LDB2: variants seen among roughly 807,000 people sequenced by gnomAD.
LDB2 encodes LIM domain-binding protein 2.
A neutral mutation model predicts 44.3 loss-of-function variants in LDB2; 12 were observed. That is an observed-to-expected ratio of 0.27 (90% confidence interval 0.17 to 0.44). The LOEUF is 0.44. LDB2 is among the 20% of genes least tolerant of loss of function. LDB2 has a pLI of 1.00. For missense variants in LDB2, 344 were observed against 473.5 expected, an observed-to-expected ratio of 0.73 and a Z score of 2.54; for synonymous variants, 164 against 174.8, an observed-to-expected ratio of 0.94 and a Z score of 0.49.
intron 5 of LDB2, among the ~76,000 whole-genome samples, chr4:16,581,984 GA>G (rs1210679642): frequency 5.6e-5 from 5 of 89,554 alleles, no homozygotes; most frequent in Non-Finnish European, 1.2e-4. Context: ...GGAAGGAAGG[GA>G]AGGAAGGGAA....
chr4:16,513,200 T>A (rs2152242411), intron 5 of LDB2, among the ~76,000 whole-genome samples: 1 of 152,276 alleles, frequency 6.6e-6, no homozygotes, highest in South Asian at 2.1e-4. Flanking sequence ...TGAGCCTTGA[T>A]ATCTCTGAAG....
intron 5 of LDB2, among the ~76,000 whole-genome samples, chr4:16,519,118 T>C (rs1348093382): frequency 1.3e-5 from 2 of 152,222 alleles, no homozygotes; most frequent in Non-Finnish European, 2.9e-5. Context: ...GCAAGCTATA[T>C]TTTACTTTTC....
At chr4:16,726,018 T>G (rs190394455) in intron 2 of LDB2, among the ~76,000 whole-genome samples, 1 of 150,526 alleles carries the variant, frequency 6.6e-6, no homozygotes, top group Non-Finnish European at 1.5e-5. Flanking sequence ...TTTATGTGCA[T>G]GTAACCACTG....
chr4:16,697,578 C>T (rs1018090749), intron 2 of LDB2, among the ~76,000 whole-genome samples: 4 of 152,160 alleles, frequency 2.6e-5, no homozygotes, highest in Non-Finnish European at 5.9e-5. Context: ...TTTCCTGGAC[C>T]CCAGCTCTTC....
chr4:16,803,380 A>T (rs1778214986), intron 1 of LDB2, among the ~76,000 whole-genome samples: 1 of 152,200 alleles, frequency 6.6e-6, no homozygotes, highest in South Asian at 2.1e-4. Context: ...CTTCATAAAA[A>T]CTTTGTAGGA....
At chr4:16,551,003 AGACTT>A (rs1410124719) in intron 5 of LDB2, among the ~76,000 whole-genome samples, 1 of 152,228 alleles carries the variant, frequency 6.6e-6, no homozygotes, top group Non-Finnish European at 1.5e-5. Context: ...AAGTTGGAAA[AGACTT>A]GAACTTTTTT....
intron 1 of LDB2, among the ~76,000 whole-genome samples, chr4:16,806,727 G>A (rs1032755936): frequency 3.9e-5 from 6 of 152,180 alleles, no homozygotes; most frequent in Admixed American, 6.5e-5. Flanking sequence ...TGGCTGTTTA[G>A]GGTTGAGTGG....
At chr4:16,670,100 C>G (rs947993989) in intron 2 of LDB2, among the ~76,000 whole-genome samples, 4 of 152,190 alleles carry the variant, frequency 2.6e-5, no homozygotes, top group Non-Finnish European at 4.4e-5. Context: ...TTGCCAACCT[C>G]TGATCTAAAT....
chr4:16,759,049 G>A, intron 2 of LDB2, 109 bp downstream of exon 2: 1 of 676,662 alleles, frequency 1.5e-6, no homozygotes. Context: ...TCTCAGGAGT[G>A]GAGGTATTAT....
intron 2 of LDB2, among the ~76,000 whole-genome samples, chr4:16,697,151 A>G (rs1346635919): frequency 6.6e-6 from 1 of 152,028 alleles, no homozygotes; most frequent in Non-Finnish European, 1.5e-5. Flanking sequence ...TGGCCTAGGA[A>G]CGGTGGCTTA....
chr4:16,629,538 G>A lies in LDB2; in HGVS notation c.236-33663C>T, dbSNP rs184849090. On this transcript the variant is annotated intron_variant, in intron 2 of 7. Coordinates refer to ENST00000304523, the MANE Select transcript of LDB2 (RefSeq NM_001290.5). ...AACTCCAGCAGACCTGCAGCTGAGG[G>A]GCCTGTCTGTTAGAAGGAAAACTAA... Among the ~76,000 whole-genome samples the A allele has an allele frequency of 2.8e-3, 424 of 152,194 alleles. 3 individuals are homozygous for A. The highest frequency in any genetic ancestry group is 9.5e-3 in the African/African-American group (395 of 41,518).
At position 16,686,277 on chromosome 4, in the gene LDB2, G is replaced by A. The variant is rs547032647; in HGVS notation, c.235+72881C>T. On this transcript the variant is annotated intron_variant, in intron 2 of 7. Coordinates refer to ENST00000304523, the MANE Select transcript of LDB2 (RefSeq NM_001290.5). ...CCAATAACCTACATCCTAAGAGATG[G>A]CTGCAGAATGCACAATTAGGAAGAA... Among the ~76,000 whole-genome samples, 3 of 152,270 alleles carry A rather than the reference G, an allele frequency of 2.0e-5. No homozygotes were observed. In the South Asian group the frequency reaches 6.2e-4, roughly 32 times the overall value.
chr4:16,659,337 C>T (rs941562104), intron 2 of LDB2, among the ~76,000 whole-genome samples: 3 of 152,074 alleles, frequency 2.0e-5, no homozygotes, highest in South Asian at 2.1e-4. Flanking sequence ...TCCCCGGAGC[C>T]GCTCCATTAA....
intron 1 of LDB2, among the ~76,000 whole-genome samples, chr4:16,807,866 G>A (rs929234722): frequency 1.3e-5 from 2 of 152,110 alleles, no homozygotes; most frequent in Non-Finnish European, 2.9e-5. Context: ...TTCTAAACAG[G>A]GCAAAAAACT....
chr4:16,570,841 G>C (rs560624662), intron 5 of LDB2, among the ~76,000 whole-genome samples: 2 of 152,106 alleles, frequency 1.3e-5, no homozygotes, highest in East Asian at 1.9e-4. Context: ...CAGCTTTATC[G>C]TGAACACTTT....
intron 5 of LDB2, among the ~76,000 whole-genome samples, chr4:16,580,384 G>A (rs962745061): frequency 2.0e-5 from 3 of 152,176 alleles, no homozygotes; most frequent in African/African-American, 7.2e-5. Flanking sequence ...AGACTGAGAG[G>A]ATCATGATAT....
At chr4:16,836,567 TCAGA>T (rs1190114295) in intron 1 of LDB2, among the ~76,000 whole-genome samples, 1 of 152,194 alleles carries the variant, frequency 6.6e-6, no homozygotes, top group Non-Finnish European at 1.5e-5. Flanking sequence ...CTCTCACTGC[TCAGA>T]CAGAGGCCAA....
At chr4:16,556,759 G>A (rs964823235) in intron 5 of LDB2, among the ~76,000 whole-genome samples, 3 of 152,122 alleles carry the variant, frequency 2.0e-5, no homozygotes, top group Admixed American at 6.6e-5. Context: ...TTTTAACTAC[G>A]TTTATTTAAA....
chr4:16,560,579 CT>C (rs1741737944), intron 5 of LDB2, among the ~76,000 whole-genome samples: 1 of 152,140 alleles, frequency 6.6e-6, no homozygotes, highest in East Asian at 1.9e-4. Context: ...TAATCAATAG[CT>C]TACCAACCAA....
Sources: gnomAD v4.1 joint callset for allele counts (sites outside exome capture counted in the v4.1 genomes callset) on GRCh38, gnomAD v4.1.1 for gene constraint, MANE v1.5 for transcripts, NCBI Gene and HGNC (gene_info 2026-07-23, HGNC 2026-07-21) for gene names.